Variants in EDA2R observed in about 807,000 individuals in gnomAD.
The protein encoded by EDA2R is tumor necrosis factor receptor superfamily member 27.
In EDA2R, 26 loss-of-function variants were observed where a neutral mutation model predicts 20.1. The ratio of observed to expected loss-of-function variants is 1.30; its 90% confidence interval spans 0.95 to 1.80. The LOEUF is 1.80. EDA2R is among the 40% of genes most tolerant of loss of function. EDA2R has a pLI of 0.00. For missense variants in EDA2R, 277 were observed against 228.7 expected (o/e 1.21, Z -1.36); for synonymous variants, 114 against 88.7 (o/e 1.29, Z -1.60).
At chrX:66,619,984 C>G (rs1261466591) in intron 1 of EDA2R, among the ~76,000 whole-genome samples, 1 of 111,321 alleles carries the variant, frequency 9.0e-6, no homozygotes, top group Non-Finnish European at 1.9e-5. Context: ...CAGCAGGCTC[C>G]CTCACGCCCC....
intron 6 of EDA2R, among the ~76,000 whole-genome samples, chrX:66,598,480 C>T (rs188878965): frequency 9.0e-6 from 1 of 111,458 alleles, no homozygotes; most frequent in Admixed American, 9.5e-5. Flanking sequence ...TCAAACCCAC[C>T]AGTCACAATT....
intron 6 of EDA2R, 61 bp from the exon 7 acceptor site, chrX:66,598,154 C>A (rs1231029291): frequency 2.7e-5 from 12 of 452,475 alleles, no homozygotes; most frequent in Non-Finnish European, 3.6e-5. Context: ...ACCCTTCTTT[C>A]TCTACCCCTC....
chrX:66,637,525 C>A (rs941184579), intron 1 of EDA2R, among the ~76,000 whole-genome samples: 8 of 112,277 alleles, frequency 7.1e-5, no homozygotes, highest in African/African-American at 2.6e-4. Context: ...TACCACCAAT[C>A]TGCCTTGGCA....
intron 2 of EDA2R, among the ~76,000 whole-genome samples, chrX:66,611,034 C>G (rs1930650940): frequency 9.0e-6 from 1 of 111,515 alleles, no homozygotes; most frequent in African/African-American, 3.3e-5. Context: ...CTCTACAACT[C>G]AGACACTTCT....
chrX:66,616,250 G>A (rs746616457), intron 1 of EDA2R, among the ~76,000 whole-genome samples: 1 of 112,483 alleles, frequency 8.9e-6, no homozygotes, highest in East Asian at 2.8e-4. Context: ...CCATTCTCAA[G>A]ACAATCATAT....
intron 4 of EDA2R, among the ~76,000 whole-genome samples, chrX:66,603,367 T>C (rs780178143): frequency 1.8e-5 from 2 of 111,709 alleles, no homozygotes; most frequent in Non-Finnish European, 3.8e-5. Context: ...GGTATAGTGC[T>C]CACCAGTTAT....
At chrX:66,618,135 C>T (rs765641540) in intron 1 of EDA2R, among the ~76,000 whole-genome samples, 1 of 112,267 alleles carries the variant, frequency 8.9e-6, no homozygotes, top group African/African-American at 3.2e-5. Context: ...GATCCACCCG[C>T]CTCGGCCTCC....
intron 1 of EDA2R, among the ~76,000 whole-genome samples, chrX:66,624,075 T>C (rs1257563610): frequency 4.4e-5 from 5 of 112,535 alleles, no homozygotes; most frequent in African/African-American, 1.6e-4. Flanking sequence ...CAAATATTTG[T>C]TGAATGATAA....
chrX:66,626,742 G>A (rs1386641384), intron 1 of EDA2R, among the ~76,000 whole-genome samples: 2 of 96,551 alleles, frequency 2.1e-5, no homozygotes, highest in Non-Finnish European at 4.1e-5. Flanking sequence ...TAACACAAAG[G>A]AAAGAATCTT....
chrX:66,602,980 T>C (rs1480758093), intron 4 of EDA2R, among the ~76,000 whole-genome samples, 183 bp from the exon 5 acceptor site: 1 of 112,164 alleles, frequency 8.9e-6, no homozygotes, highest in Non-Finnish European at 1.9e-5. Flanking sequence ...CAAAATAATT[T>C]GTATATAGTG....
chrX:66,626,032 C>T (rs1280725573), intron 1 of EDA2R, among the ~76,000 whole-genome samples: 2 of 111,706 alleles, frequency 1.8e-5, no homozygotes, highest in Non-Finnish European at 3.8e-5. Context: ...CAGCCCTAGA[C>T]CTTCCCACTG....
chrX:66,598,419 G>C (rs748022959), intron 6 of EDA2R, among the ~76,000 whole-genome samples: 5 of 111,747 alleles, frequency 4.5e-5, no homozygotes, highest in Non-Finnish European at 9.4e-5. Context: ...GAGGAACAGA[G>C]CCAGGATGGA....
chrX:66,599,967 T>C, intron 5 of EDA2R, 107 bp from the exon 6 acceptor site: 2 of 1,135,055 alleles, frequency 1.8e-6, no homozygotes, highest in Non-Finnish European at 2.3e-6. Context: ...GAGCTGATTC[T>C]TTCCTTCCTC....
chrX:66,627,045 G>A (rs908720801), intron 1 of EDA2R, among the ~76,000 whole-genome samples: 1 of 111,573 alleles, frequency 9.0e-6, no homozygotes, highest in African/African-American at 3.3e-5. Context: ...GAAAGATACA[G>A]TCTTCTTCAG....
In EDA2R at chrX:66,616,012, G is replaced by A; in HGVS notation, c.9C>T (p.Cys3=). The A allele has an allele frequency of 1.7e-6, 2 of 1,205,813 alleles. No homozygotes were observed. The highest frequency in any genetic ancestry group is 2.2e-6 in the Non-Finnish European group (2 of 890,756). Reference sequence around the variant, plus strand: ...ATTGGTCCCAGTACTCATTTTCTTGGCAATCCATGGTGGGAAGGCTGTGGG... The same window carrying A: ...ATTGGTCCCAGTACTCATTTTCTTGACAATCCATGGTGGGAAGGCTGTGGG... MD[C]QENEYWDQWG... Residue 3 remains cysteine, a synonymous_variant, in exon 2 of 7, where the codon TGC becomes TGT. Coordinates refer to ENST00000374719, the MANE Select transcript of EDA2R (RefSeq NM_021783.5).
chrX:66,609,587 A>T (rs1362070593), intron 2 of EDA2R, among the ~76,000 whole-genome samples: 1 of 111,987 alleles, frequency 8.9e-6, no homozygotes, highest in Non-Finnish European at 1.9e-5. Context: ...TAGGAAATAT[A>T]ATGTAGTGAT....
At chrX:66,607,229 T>C (rs1423590918) in intron 2 of EDA2R, among the ~76,000 whole-genome samples, 1 of 112,191 alleles carries the variant, frequency 8.9e-6, no homozygotes, top group Non-Finnish European at 1.9e-5. Context: ...AATCTAAAAA[T>C]GTGAGAGTAA....
At position 66,596,119 on chromosome X, in the gene EDA2R, A is replaced by G. The variant is rs958230140; in HGVS notation, c.*1985T>C. 2.7e-5 allele frequency: 3 copies of G among 110,519 alleles called. No homozygotes were observed. Among genetic ancestry groups the G allele is most frequent in the Admixed American group, 1.9e-4 (2 of 10,395 alleles). 9.1% of individuals were successfully genotyped at this position (110,519 alleles called of 1,213,427 possible). A position where few individuals can be genotyped will look rare whatever the true frequency, so the allele number is the denominator to read the frequency against. ...TTTTTTGCTAGTTCATTTAGAGACA[A>G]CTTAACTGCTGTTTAGGCTCAATGT... On this transcript the variant is annotated 3_prime_UTR_variant, in exon 7 of 7. Transcript: ENST00000374719.
intron 6 of EDA2R, 98 bp downstream of exon 6, chrX:66,599,376 T>C (rs1469564707): frequency 3.2e-6 from 3 of 947,773 alleles, no homozygotes; most frequent in Non-Finnish European, 1.4e-6. Context: ...CCTCCACTCC[T>C]AGTGAATAAT....
Sources: allele counts gnomAD v4.1 joint callset (sites outside exome capture counted in the v4.1 genomes callset), GRCh38; gene constraint gnomAD v4.1.1; transcripts MANE v1.5; gene names NCBI Gene and HGNC (gene_info 2026-07-23, HGNC 2026-07-21).